Variants in ADAMTS8 observed in about 807,000 individuals in gnomAD.
ADAMTS8 encodes ADAM metallopeptidase with thrombospondin type 1 motif 8.
In ADAMTS8, 50 loss-of-function variants were observed where a neutral mutation model predicts 64.4. That is an observed-to-expected ratio of 0.78 (90% CI 0.62 to 0.98). The LOEUF (loss-of-function observed/expected upper bound fraction) is 0.98. ADAMTS8 is among the 50% of genes least tolerant of loss of function. The pLI, the probability that ADAMTS8 is intolerant of heterozygous loss-of-function variation, is 0.00. For synonymous variants in ADAMTS8, 556 were observed against 533.6 expected, an observed-to-expected ratio of 1.04 and a Z score of -0.58; for missense variants, 1,192 against 1,208.2, an observed-to-expected ratio of 0.99 and a Z score of 0.20.
chr11:130,420,966 C>A (rs908153034), intron 1 of ADAMTS8, among the ~76,000 whole-genome samples: 5 of 152,132 alleles, frequency 3.3e-5, no homozygotes, highest in African/African-American at 1.2e-4. Context: ...TAAGAAGGAC[C>A]AGGGTCTGAT....
intron 1 of ADAMTS8, 45 bp downstream of exon 1, chr11:130,427,521 TG>T: frequency 1.4e-6 from 2 of 1,415,436 alleles, no homozygotes; most frequent in Non-Finnish European, 1.9e-6. Context: ...GGGAGGCGTC[TG>T]GGGGGCCTCC....
intron 1 of ADAMTS8, among the ~76,000 whole-genome samples, chr11:130,425,644 A>G (rs1862154982): frequency 1.4e-5 from 2 of 145,512 alleles, no homozygotes; most frequent in Non-Finnish European, 3.0e-5. Context: ...TCTGTCACCC[A>G]GGCTGGAGTG....
Position 130,405,359 on chromosome 11 carries a change from A to T in ADAMTS8, c.*199T>A. The T allele has an allele frequency of 7.2e-7, 1 of 1,394,490 alleles. No individual in the cohort carries two copies. Among genetic ancestry groups the T allele is most frequent in the Non-Finnish European group, 9.3e-7 (1 of 1,079,006 alleles). The allele number at this position is 1,394,490 out of a possible 1,614,324, so 86.4% of individuals were successfully genotyped here. A position where few individuals can be genotyped will look rare whatever the true frequency, so the allele number is the denominator to read the frequency against. On this transcript the variant is annotated 3_prime_UTR_variant, in exon 9 of 9. Transcript: ENST00000257359. ...GGTCCAGTCCACTGGACAGTTGATG[A>T]TAGGGTCTGCCGCCCCATACCCTCT...
intron 4 of ADAMTS8, 152 bp from the exon 5 acceptor site, chr11:130,414,984 A>G (rs1430892327): frequency 1.2e-6 from 1 of 854,866 alleles, no homozygotes; most frequent in Non-Finnish European, 1.7e-6. Context: ...ATCTAGTGAG[A>G]GCATGCCTAA....
intron 6 of ADAMTS8, among the ~76,000 whole-genome samples, chr11:130,410,817 G>A (rs1253544867): frequency 6.6e-6 from 1 of 152,172 alleles, no homozygotes. Flanking sequence ...CAAGGGGAGG[G>A]AGAGGTAGTA....
rs1212408042 is a variant in ADAMTS8 at position 130,411,166 on chromosome 11, A to G, written c.1750+251T>C. ...CGTAATTTCTCTCCTTGACTTTGCC[A>G]GGCTCTCTGAACACTATGAGAGCTG... On this transcript the variant is annotated intron_variant, in intron 6 of 8. Coordinates refer to ENST00000257359, the MANE Select transcript of ADAMTS8 (RefSeq NM_007037.6). This position sits in a 1 kb window ranked among gnomAD's most constrained non-coding sequence, Gnocchi z 4.2. Among the ~76,000 whole-genome samples, 1 of 152,140 alleles carries G rather than the reference A, an allele frequency of 6.6e-6. No homozygotes were observed. Among genetic ancestry groups the G allele is most frequent in the Non-Finnish European group, 1.5e-5 (1 of 68,012 alleles).
intron 1 of ADAMTS8, among the ~76,000 whole-genome samples, chr11:130,426,884 C>A (rs1414605729): frequency 6.6e-6 from 1 of 152,208 alleles, no homozygotes; most frequent in Non-Finnish European, 1.5e-5. Flanking sequence ...TGGGCTGAGC[C>A]CCCAGGCAGA....
Position 130,417,095 on chromosome 11 carries a change from C to T in ADAMTS8, c.961-20G>A, listed in dbSNP as rs1182633789. The T allele has an allele frequency of 1.2e-6, 2 of 1,613,256 alleles. No individual in the cohort carries two copies. Among genetic ancestry groups the T allele is most frequent in the African/African-American group, 1.3e-5 (1 of 75,032 alleles). The stretch of plus-strand genomic sequence containing the variant: ...GAAGTTCTGCGTGGCGGGGAGAGAG[C>T]AAGAGAGTGCATCAGTGTGTGTGTG... On this transcript the variant is annotated intron_variant, in intron 2 of 8. Coordinates refer to ENST00000257359, the MANE Select transcript of ADAMTS8 (RefSeq NM_007037.6).
chr11:130,425,885 G>A (rs1235607530), intron 1 of ADAMTS8, among the ~76,000 whole-genome samples: 2 of 152,124 alleles, frequency 1.3e-5, no homozygotes, highest in Non-Finnish European at 2.9e-5. Flanking sequence ...ACAGGCTTGA[G>A]CCACCGTGCC....
At position 130,414,511 on chromosome 11, in the gene ADAMTS8, C is replaced by T; in HGVS notation, c.1566+20G>A. 1 of 1,572,298 alleles carries T rather than the reference C, an allele frequency of 6.4e-7. No homozygotes were observed. The highest frequency in any genetic ancestry group is 8.6e-7 in the Non-Finnish European group (1 of 1,156,650). On this transcript the variant is annotated intron_variant, in intron 5 of 8. Coordinates refer to ENST00000257359, the MANE Select transcript of ADAMTS8 (RefSeq NM_007037.6). The stretch of plus-strand genomic sequence containing the variant: ...GTTTCTCCTTTCCCCTCCCCGCTAT[C>T]CTCAGGGGCTGTCCCTCACCTTGGG...
In ADAMTS8 at chr11:130,416,144, CG is replaced by C; in HGVS notation, c.1264+18del. 1 of 1,550,256 alleles carries C rather than the reference CG, an allele frequency of 6.5e-7. No homozygotes were observed. ...AGGAGGCCCACGGGGACAAGTAGGG[CG>C]GGGCCGCCGGTGCCTACCGTGCCCG... On this transcript the variant is annotated intron_variant, in intron 4 of 8. Coordinates refer to ENST00000257359, the MANE Select transcript of ADAMTS8 (RefSeq NM_007037.6). This position sits in a 1 kb window ranked among gnomAD's most constrained non-coding sequence, Gnocchi z 4.8.
intron 5 of ADAMTS8, among the ~76,000 whole-genome samples, chr11:130,414,242 G>A (rs1592130707): frequency 6.7e-6 from 1 of 149,866 alleles, no homozygotes; most frequent in Non-Finnish European, 1.5e-5. Context: ...CCCTGCCTCC[G>A]CCTTCTGAGT....
intron 5 of ADAMTS8, among the ~76,000 whole-genome samples, 153 bp downstream of exon 5, chr11:130,414,378 G>T (rs1486995981): frequency 6.6e-6 from 1 of 151,980 alleles, no homozygotes; most frequent in East Asian, 1.9e-4. Context: ...GCTTCCCAAA[G>T]TGCTGGGATT....
At chr11:130,420,938 A>G (rs1862091193) in intron 1 of ADAMTS8, among the ~76,000 whole-genome samples, 1 of 152,098 alleles carries the variant, frequency 6.6e-6, no homozygotes, top group African/African-American at 2.4e-5. Flanking sequence ...CAGGAGGCCA[A>G]CAGTATCCTG....
chr11:130,412,896 A>C lies in ADAMTS8; in HGVS notation c.1567-1296T>G, dbSNP rs771976491. ...TTTCTCACTTTCTTTCTTTCTTGAA[A>C]GTCTTGCTCTGTCGCCCAGGCCAGA... On this transcript the variant is annotated intron_variant, in intron 5 of 8. Coordinates refer to ENST00000257359, the MANE Select transcript of ADAMTS8 (RefSeq NM_007037.6). 3.5e-4 allele frequency among the ~76,000 whole-genome samples: 53 copies of C among 152,056 alleles called. 1 individual carries two copies. Among genetic ancestry groups the C allele is most frequent in the Admixed American group, 2.8e-3 (43 of 15,274 alleles).
chr11:130,426,005 C>T (rs961057964), intron 1 of ADAMTS8, among the ~76,000 whole-genome samples: 2 of 152,228 alleles, frequency 1.3e-5, no homozygotes, highest in African/African-American at 4.8e-5. Context: ...CTCTCTAGTA[C>T]TTGCTTAAAG....
chr11:130,408,372 G>A (rs759599291), intron 8 of ADAMTS8, 92 bp downstream of exon 8: 43 of 1,465,396 alleles, frequency 2.9e-5, no homozygotes, highest in Non-Finnish European at 3.5e-5. Context: ...CAGCTATTAA[G>A]TAGCAGCCAC....
chr11:130,416,013 G>C lies in ADAMTS8; in HGVS notation c.1264+150C>G, dbSNP rs561815270. ...AGATGGGGCCAGAAGAGCAGACTTC[G>C]GGGGTGGTGTGAATGCCCCAGCGTG... On this transcript the variant is annotated intron_variant, in intron 4 of 8. Transcript: ENST00000257359. The surrounding 1 kb of genome is among the most constrained non-coding windows in gnomAD (Gnocchi z 4.8). 8 of 892,506 alleles carry C rather than the reference G, an allele frequency of 9.0e-6. No individual in the cohort carries two copies. The South Asian group carries it at 1.5e-4, about 17-fold the overall frequency. The allele number at this position is 892,506 out of a possible 1,614,324, so 55.3% of individuals were successfully genotyped here.
intron 8 of ADAMTS8, 118 bp from the exon 9 acceptor site, chr11:130,406,246 T>G (rs901049472): frequency 3.1e-6 from 4 of 1,281,112 alleles, no homozygotes; most frequent in Non-Finnish European, 4.2e-6. Flanking sequence ...ACAAAGCAAG[T>G]AATTAAGCAA....
Sources: gnomAD v4.1 joint callset for allele counts (sites outside exome capture counted in the v4.1 genomes callset) on GRCh38, gnomAD v4.1.1 for gene constraint, Gnocchi (gnomAD v3.1) non-coding constraint, MANE v1.5 for transcripts, NCBI Gene and HGNC (gene_info 2026-07-23, HGNC 2026-07-21) for gene names.